The following SESTD1 variants were observed in gnomAD, a reference collection of about 807,000 sequenced individuals.
SESTD1 encodes SEC14 domain and spectrin repeat-containing protein 1.
SESTD1 carries 43 observed loss-of-function variants against 101.7 expected under a neutral mutation model. The ratio of observed to expected loss-of-function variants is 0.42; its 90% CI spans 0.33 to 0.55. The LOEUF is 0.55. SESTD1 is among the 20% of genes least tolerant of loss of function. The pLI is 0.07. For synonymous variants in SESTD1, 283 were observed against 286.8 expected, an observed-to-expected ratio of 0.99 and a Z score of 0.13; for missense variants, 647 against 815.1, an observed-to-expected ratio of 0.79 and a Z score of 2.51.
intron 2 of SESTD1, among the ~76,000 whole-genome samples, chr2:179,187,153 C>CAA (rs2046244787): frequency 6.6e-6 from 1 of 152,130 alleles, no homozygotes; most frequent in Non-Finnish European, 1.5e-5. Context: ...CCTGCTACTA[C>CAA]AAAAACACAT....
At chr2:179,191,642 T>G (rs2046321635) in intron 2 of SESTD1, 145 bp downstream of exon 2, 2 of 708,568 alleles carry the variant, frequency 2.8e-6, no homozygotes, top group Non-Finnish European at 4.8e-6. Context: ...CTCTCCTAGC[T>G]CTTCATTCTG....
intron 5 of SESTD1, among the ~76,000 whole-genome samples, chr2:179,156,715 C>T (rs1401945273): frequency 2.6e-5 from 4 of 152,002 alleles, no homozygotes; most frequent in Admixed American, 2.0e-4. Context: ...GTAGATTCTG[C>T]ATATTGTCCT....
At chr2:179,142,449 G>T (rs2045300316) in intron 9 of SESTD1, among the ~76,000 whole-genome samples, 1 of 152,140 alleles carries the variant, frequency 6.6e-6, no homozygotes, top group South Asian at 2.1e-4. Context: ...AAAGAGGAAA[G>T]AAAGAAGACA....
chr2:179,124,355 G>GAC lies in SESTD1; in HGVS notation c.1167+7_1167+8dup. The GAC allele has an allele frequency of 2.5e-6, 4 of 1,610,816 alleles. No homozygotes were observed. The highest frequency in any genetic ancestry group is 3.4e-6 in the Non-Finnish European group (4 of 1,177,854). ...TGAAGAAAAGAAAAGAATCAGAATA[G>GAC]ACACTTACATCTTGGGCAACACCAT... On this transcript the variant is annotated intron_variant, in intron 11 of 17. Coordinates refer to ENST00000428443, the MANE Select transcript of SESTD1 (RefSeq NM_178123.5).
chr2:179,110,275 G>A (rs1684972852), intron 17 of SESTD1, among the ~76,000 whole-genome samples: 1 of 152,130 alleles, frequency 6.6e-6, no homozygotes, highest in Admixed American at 6.5e-5. Context: ...TATATCATGT[G>A]TAGTTATGAT....
chr2:179,160,821 C>A (rs1203756198), intron 5 of SESTD1, among the ~76,000 whole-genome samples: 1 of 151,702 alleles, frequency 6.6e-6, no homozygotes, highest in Non-Finnish European at 1.5e-5. Flanking sequence ...TTTTGCAGAA[C>A]ATAATGAAGT....
chr2:179,168,085 C>T (rs2045867700), intron 5 of SESTD1, among the ~76,000 whole-genome samples: 1 of 151,940 alleles, frequency 6.6e-6, no homozygotes, highest in Non-Finnish European at 1.5e-5. Flanking sequence ...TACAGTTGAC[C>T]CTTGAACAAC....
chr2:179,169,000 C>T (rs956149089), intron 5 of SESTD1, among the ~76,000 whole-genome samples: 2 of 152,000 alleles, frequency 1.3e-5, no homozygotes, highest in African/African-American at 2.4e-5. Flanking sequence ...ACATAAATTA[C>T]AAGCCAATAA....
chr2:179,204,276 T>C (rs2046562770), intron 1 of SESTD1, among the ~76,000 whole-genome samples: 1 of 134,666 alleles, frequency 7.4e-6, no homozygotes, highest in Non-Finnish European at 1.6e-5. Context: ...TCTTCTGAAA[T>C]TGCTTGCTAT....
chr2:179,197,360 A>G (rs1421712707), intron 1 of SESTD1, among the ~76,000 whole-genome samples: 1 of 152,238 alleles, frequency 6.6e-6, no homozygotes, highest in African/African-American at 2.4e-5. Context: ...GATGGGGAGA[A>G]TGGAACCAAG....
intron 5 of SESTD1, among the ~76,000 whole-genome samples, chr2:179,157,529 A>G (rs1483837444): frequency 6.6e-6 from 1 of 152,132 alleles, no homozygotes; most frequent in East Asian, 1.9e-4. Flanking sequence ...GAATCATAGG[A>G]TGATTTATTT....
rs554006589 is a variant in SESTD1 at position 179,215,792 on chromosome 2, A to G, written c.-25-23926T>C. Reference sequence around the variant, plus strand: ...GCAGCACATCAATAGCTAATCCACCACTATCAAGTTGGCTTCATCCCTGAG... The same window carrying G: ...GCAGCACATCAATAGCTAATCCACCGCTATCAAGTTGGCTTCATCCCTGAG... On this transcript the variant is annotated intron_variant, in intron 1 of 17. Transcript: ENST00000428443. Among the ~76,000 whole-genome samples the G allele has an allele frequency of 1.5e-5, 2 of 135,208 alleles. 1 individual carries two copies. The highest frequency in any genetic ancestry group is 5.8e-5 in the African/African-American group (2 of 34,348). 88.7% of individuals were successfully genotyped at this position (135,208 alleles called of 152,430 possible). A position where few individuals can be genotyped will look rare whatever the true frequency, so the allele number is the denominator to read the frequency against.
rs1002283110 is a variant in SESTD1, at chr2:179,206,247, A to G, written c.-25-14381T>C. The stretch of plus-strand genomic sequence containing the variant: ...CCAAGAATGACCACAGGAACATAAC[A>G]GGAAAACTAAAGAGTTCACAGAGCC... On this transcript the variant is annotated intron_variant, in intron 1 of 17. Transcript: ENST00000428443. Among the ~76,000 whole-genome samples the G allele has an allele frequency of 1.5e-5, 2 of 135,622 alleles. 1 individual carries two copies. The highest frequency in any genetic ancestry group is 3.2e-5 in the Non-Finnish European group (2 of 62,988). 89.0% of individuals were successfully genotyped at this position (135,622 alleles called of 152,430 possible).
intron 1 of SESTD1, among the ~76,000 whole-genome samples, chr2:179,218,679 A>G (rs1303019237): frequency 6.6e-6 from 1 of 152,230 alleles, no homozygotes. Context: ...CTAGGTTTCC[A>G]TGGATATTTG....
chr2:179,127,415 A>C (rs1337275528), intron 10 of SESTD1, among the ~76,000 whole-genome samples: 1 of 152,260 alleles, frequency 6.6e-6, no homozygotes, highest in Non-Finnish European at 1.5e-5. Flanking sequence ...GCCTAGAACA[A>C]CACATGACAC....
At chr2:179,204,568 A>G (rs2046566411) in intron 1 of SESTD1, among the ~76,000 whole-genome samples, 1 of 135,172 alleles carries the variant, frequency 7.4e-6, no homozygotes, top group South Asian at 2.8e-4. Context: ...GTGCATGTTC[A>G]GGACAATTTG....
intron 1 of SESTD1, among the ~76,000 whole-genome samples, chr2:179,243,975 CACACACAA>C (rs1300816849): frequency 6.6e-6 from 1 of 150,562 alleles, no homozygotes; most frequent in African/African-American, 2.4e-5. Context: ...CACACACACA[CACACACAA>C]ATGAGGTGGT....
chr2:179,234,442 G>A (rs1285664889), intron 1 of SESTD1, among the ~76,000 whole-genome samples: 1 of 152,150 alleles, frequency 6.6e-6, no homozygotes, highest in Non-Finnish European at 1.5e-5. Flanking sequence ...GCTGGATAAG[G>A]TAAGTACAAG....
intron 5 of SESTD1, among the ~76,000 whole-genome samples, chr2:179,155,582 C>T (rs1458767246): frequency 2.0e-5 from 3 of 151,764 alleles, no homozygotes; most frequent in Non-Finnish European, 4.4e-5. Context: ...TGCCACTGCA[C>T]TCAAGTCCAG....
Sources: gnomAD v4.1 joint callset for allele counts (sites outside exome capture counted in the v4.1 genomes callset) on GRCh38, gnomAD v4.1.1 for gene constraint, MANE v1.5 for transcripts, NCBI Gene and HGNC (gene_info 2026-07-23, HGNC 2026-07-21) for gene names.